CEP63: variants seen among roughly 807,000 people sequenced by gnomAD.
CEP63 encodes centrosomal protein 63, also known as centrosomal protein of 63 kDa.
Under a neutral mutation model 89.1 loss-of-function variants are expected in CEP63, and 84 were observed. The ratio of observed to expected loss-of-function variants is 0.94; its 90% confidence interval spans 0.79 to 1.13. The LOEUF (loss-of-function observed/expected upper bound fraction) is 1.13, where lower values mean the gene tolerates loss of function less well. CEP63 is among the 50% of genes most tolerant of loss of function. The pLI, the probability that CEP63 is intolerant of heterozygous loss-of-function variation, is 0.00. For synonymous variants in CEP63, 267 were observed against 272.5 expected (o/e 0.98, Z 0.20); for missense variants, 838 against 813.3 (o/e 1.03, Z -0.37).
the CEP63 span, among the ~76,000 whole-genome samples, chr3:134,720,314 T>C: frequency 6.6e-6 from 1 of 152,196 alleles, no homozygotes; most frequent in Admixed American, 6.5e-5. Context: ...AGGTTACTTT[T>C]CTTTTTAATA....
At chr3:134,574,537 C>T (rs75524197) in intron 11 of CEP63, among the ~76,000 whole-genome samples, 2,454 of 152,262 alleles carry the variant, frequency 0.016, 55 homozygotes, top group African/African-American at 0.055. Flanking sequence ...TTCAAATTAG[C>T]ATTTCTCATT....
chr3:134,739,034 G>C, the CEP63 span, among the ~76,000 whole-genome samples: 4 of 151,510 alleles, frequency 2.6e-5, no homozygotes, highest in Non-Finnish European at 5.9e-5. Context: ...CTCATACACT[G>C]TTGGTGGGAA....
the CEP63 span, among the ~76,000 whole-genome samples, chr3:134,688,875 C>G: frequency 6.6e-6 from 1 of 152,222 alleles, no homozygotes; most frequent in Admixed American, 6.5e-5. Flanking sequence ...GAAACCTCCC[C>G]AGCATCTGGA....
chr3:134,700,516 G>C, the CEP63 span, among the ~76,000 whole-genome samples: 4 of 151,652 alleles, frequency 2.6e-5, no homozygotes, highest in African/African-American at 9.7e-5. Context: ...CAATAATTTT[G>C]GCAGTTTCTA....
the CEP63 span, among the ~76,000 whole-genome samples, chr3:134,691,253 G>T: frequency 6.6e-6 from 1 of 151,904 alleles, no homozygotes; most frequent in Non-Finnish European, 1.5e-5. Context: ...AGCTACTCAG[G>T]AGGCTGAGCT....
At chr3:134,719,587 C>T in the CEP63 span, among the ~76,000 whole-genome samples, 395 of 152,232 alleles carry the variant, frequency 2.6e-3, 3 homozygotes, top group Non-Finnish European at 4.7e-3. Context: ...TTTTTCTCCT[C>T]CTTAATAAAA....
chr3:134,669,964 ATGGGAT>A, the CEP63 span, among the ~76,000 whole-genome samples: 2 of 152,150 alleles, frequency 1.3e-5, no homozygotes, highest in Non-Finnish European at 2.9e-5. Flanking sequence ...GCCCTTCTGA[ATGGGAT>A]TAGTGCCCTT....
the CEP63 span, among the ~76,000 whole-genome samples, chr3:134,652,656 A>ACG: frequency 2.7e-4 from 40 of 148,264 alleles, no homozygotes; most frequent in East Asian, 1.2e-3. Context: ...ACACACACAC[A>ACG]CGCGCGCGCG....
chr3:134,626,882 T>C, the CEP63 span, among the ~76,000 whole-genome samples: 96,650 of 151,792 alleles, frequency 0.64, 31,420 homozygotes, highest in East Asian at 0.88. Context: ...CTTGCCTCTT[T>C]TCAGTGCCCT....
At chr3:134,737,796 G>T in the CEP63 span, among the ~76,000 whole-genome samples, 1 of 152,194 alleles carries the variant, frequency 6.6e-6, no homozygotes, top group Non-Finnish European at 1.5e-5. Context: ...TTTGACCGGG[G>T]CTGCTGTTAG....
At chr3:134,772,019 T>C in the CEP63 span, among the ~76,000 whole-genome samples, 1 of 152,178 alleles carries the variant, frequency 6.6e-6, no homozygotes, top group Non-Finnish European at 1.5e-5. Flanking sequence ...GATGAGGGGT[T>C]AGTTACAAAC....
chr3:134,778,817 C>G, the CEP63 span, among the ~76,000 whole-genome samples: 1 of 152,270 alleles, frequency 6.6e-6, no homozygotes, highest in South Asian at 2.1e-4. Context: ...GCCTTGGCCT[C>G]CCAAAGTGCT....
chr3:134,509,389 C>A (rs1944308248), intron 3 of CEP63, among the ~76,000 whole-genome samples: 1 of 152,184 alleles, frequency 6.6e-6, no homozygotes, highest in African/African-American at 2.4e-5. Flanking sequence ...AGTCACTTCC[C>A]ACTAGGCCCC....
At chr3:134,688,947 G>C in the CEP63 span, among the ~76,000 whole-genome samples, 1 of 152,160 alleles carries the variant, frequency 6.6e-6, no homozygotes, top group African/African-American at 2.4e-5. Context: ...TTAGCTTCTG[G>C]CTTGGAGACC....
the CEP63 span, among the ~76,000 whole-genome samples, chr3:134,697,174 T>G: frequency 6.6e-6 from 1 of 152,198 alleles, no homozygotes; most frequent in East Asian, 1.9e-4. Flanking sequence ...TGAAGGGCTC[T>G]CCTGTGAGAC....
At position 134,561,400 on chromosome 3, in the gene CEP63, T is replaced by G. The variant is rs756257624; in HGVS notation, c.1977T>G (p.Leu659=). 11 of 1,614,050 alleles carry G rather than the reference T, an allele frequency of 6.8e-6. No homozygotes were observed. In the South Asian group the frequency reaches 1.1e-4, roughly 16 times the overall value. The part of the protein sequence containing the change: ...ISSCSLPVSP[L]GSIATRFLEE... ...AGTGTTCCTTGCCTGTATCTCCCCT[T>G]GGTTCAATAGCTACCAGATTTTTGG... Residue 659 remains leucine, a synonymous_variant, in exon 15 of 15, where the codon CTT becomes CTG. Coordinates refer to ENST00000675561, the MANE Select transcript of CEP63 (RefSeq NM_001353108.3).
At chr3:134,620,737 A>C in the CEP63 span, 86 of 1,601,998 alleles carry the variant, frequency 5.4e-5, 1 homozygote, top group South Asian at 9.4e-4. Context: ...GAAATTCCAC[A>C]GGGGGGCCTA....
At chr3:134,704,667 G>A in the CEP63 span, among the ~76,000 whole-genome samples, 1 of 152,224 alleles carries the variant, frequency 6.6e-6, no homozygotes, top group African/African-American at 2.4e-5. Flanking sequence ...TATTTGCAGA[G>A]GGAGTCTGCT....
intron 2 of CEP63, among the ~76,000 whole-genome samples, chr3:134,499,312 T>C (rs1431367588): frequency 1.3e-5 from 2 of 152,184 alleles, no homozygotes; most frequent in Admixed American, 6.5e-5. Context: ...TATAGTTGTT[T>C]GTAATAATCT....
Sources: allele counts gnomAD v4.1 joint callset (sites outside exome capture counted in the v4.1 genomes callset), GRCh38; gene constraint gnomAD v4.1.1; transcripts MANE v1.5; gene names NCBI Gene and HGNC (gene_info 2026-07-23, HGNC 2026-07-21).